Variants in TSPAN18 observed in about 807,000 individuals in gnomAD.
TSPAN18 encodes the protein tetraspanin 18.
TSPAN18 carries 14 observed loss-of-function variants against 27.3 expected under a neutral mutation model. That is an observed-to-expected ratio of 0.51 (90% confidence interval 0.34 to 0.80). The LOEUF (loss-of-function observed/expected upper bound fraction) is 0.80, where lower values mean the gene tolerates loss of function less well. Among genes scored for constraint, TSPAN18 ranks in the 30% least tolerant of loss-of-function variants. TSPAN18 has a pLI of 0.01. For missense variants in TSPAN18, 268 were observed against 323.9 expected, an observed-to-expected ratio of 0.83 and a Z score of 1.32; for synonymous variants, 143 against 136.5, an observed-to-expected ratio of 1.05 and a Z score of -0.33.
chr11:44,806,464 G>A (rs973655153), intron 2 of TSPAN18, among the ~76,000 whole-genome samples: 1 of 152,196 alleles, frequency 6.6e-6, no homozygotes, highest in African/African-American at 2.4e-5. Context: ...TTCCGGATTT[G>A]CCAGCCTCAT....
At chr11:44,858,584 C>T (rs922659313) in intron 2 of TSPAN18, among the ~76,000 whole-genome samples, 11 of 152,184 alleles carry the variant, frequency 7.2e-5, no homozygotes, top group African/African-American at 2.7e-4. Context: ...GATGTCACCT[C>T]CTTCTCAGAG....
At chr11:44,755,393 A>G (rs953740927) in intron 1 of TSPAN18, among the ~76,000 whole-genome samples, 2 of 151,938 alleles carry the variant, frequency 1.3e-5, no homozygotes, top group Non-Finnish European at 2.9e-5. Context: ...TCTGGGAACA[A>G]AGGGTGCTGG....
chr11:44,774,687 C>G (rs1167469959), intron 2 of TSPAN18, among the ~76,000 whole-genome samples: 2 of 152,148 alleles, frequency 1.3e-5, no homozygotes, highest in Non-Finnish European at 2.9e-5. Context: ...CCTCCATTCA[C>G]TAGGCATCCA....
chr11:44,888,453 C>T (rs1565192610), intron 3 of TSPAN18, among the ~76,000 whole-genome samples: 2 of 152,116 alleles, frequency 1.3e-5, no homozygotes, highest in African/African-American at 2.4e-5. Flanking sequence ...TATTGGGGGG[C>T]ACCATCTAGT....
chr11:44,871,365 C>A (rs1858190580), intron 3 of TSPAN18, among the ~76,000 whole-genome samples: 1 of 152,140 alleles, frequency 6.6e-6, no homozygotes, highest in African/African-American at 2.4e-5. Context: ...GGGCACTAAT[C>A]TTATTCATGA....
At chr11:44,877,543 C>A (rs892992174) in intron 3 of TSPAN18, among the ~76,000 whole-genome samples, 1 of 152,110 alleles carries the variant, frequency 6.6e-6, no homozygotes, top group Non-Finnish European at 1.5e-5. Flanking sequence ...CCATGAGGAC[C>A]CCCCGCCTCT....
At chr11:44,742,567 G>T (rs1251784320) in intron 1 of TSPAN18, among the ~76,000 whole-genome samples, 1 of 152,066 alleles carries the variant, frequency 6.6e-6, no homozygotes, top group Non-Finnish European at 1.5e-5. Flanking sequence ...CCCGCCATAG[G>T]AGCTCTCCCA....
At chr11:44,729,386 G>A (rs1489267253) in intron 1 of TSPAN18, among the ~76,000 whole-genome samples, 2 of 152,138 alleles carry the variant, frequency 1.3e-5, no homozygotes, top group African/African-American at 4.8e-5. Context: ...AGCGTTTCCC[G>A]TGTTCTGTCC....
At chr11:44,838,426 A>G (rs898475499) in intron 2 of TSPAN18, among the ~76,000 whole-genome samples, 4 of 152,196 alleles carry the variant, frequency 2.6e-5, no homozygotes, top group Non-Finnish European at 4.4e-5. Flanking sequence ...CATGGGAATT[A>G]TGGGAGCTAA....
Position 44,807,059 on chromosome 11 carries a change from C to A in TSPAN18, c.-153+42547C>A, listed in dbSNP as rs9667146. ...TTAAGTCATTTGAAAGAAACAGATTCAATAAAGGACAGTACAAGCCAGGGA... is the reference window on the plus strand; with the variant it reads ...TTAAGTCATTTGAAAGAAACAGATTAAATAAAGGACAGTACAAGCCAGGGA... On this transcript the variant is annotated intron_variant, in intron 2 of 9. Coordinates refer to ENST00000520358, the MANE Select transcript of TSPAN18 (RefSeq NM_130783.5). 2.7e-3 allele frequency among the ~76,000 whole-genome samples: 408 copies of A among 151,914 alleles called. 3 individuals are homozygous for A. The highest frequency in any genetic ancestry group is 8.6e-3 in the African/African-American group (356 of 41,380).
At chr11:44,823,179 C>T (rs1856963519) in intron 2 of TSPAN18, among the ~76,000 whole-genome samples, 1 of 152,214 alleles carries the variant, frequency 6.6e-6, no homozygotes, top group South Asian at 2.1e-4. Flanking sequence ...CCAGGCCTTG[C>T]TCAGCCCCAG....
chr11:44,819,746 T>C (rs1197590652), intron 2 of TSPAN18, among the ~76,000 whole-genome samples: 1 of 151,514 alleles, frequency 6.6e-6, no homozygotes, highest in African/African-American at 2.4e-5. Context: ...TCTTTATGCA[T>C]ACTGTCTCTC....
chr11:44,732,339 GT>G (rs762661853), intron 1 of TSPAN18, among the ~76,000 whole-genome samples: 6 of 152,248 alleles, frequency 3.9e-5, no homozygotes, highest in Admixed American at 6.5e-5. Context: ...TACAAGGATG[GT>G]TTGGATACTG....
At chr11:44,831,980 C>T (rs1405349971) in intron 2 of TSPAN18, among the ~76,000 whole-genome samples, 2 of 152,094 alleles carry the variant, frequency 1.3e-5, no homozygotes, top group Non-Finnish European at 2.9e-5. Context: ...AATGCAGCAG[C>T]TCAGAGTTCA....
At chr11:44,732,494 C>T (rs1037988177) in intron 1 of TSPAN18, among the ~76,000 whole-genome samples, 10 of 152,286 alleles carry the variant, frequency 6.6e-5, no homozygotes, top group Middle Eastern at 6.8e-3. Flanking sequence ...TCAAAACCTC[C>T]TGTGAGCCGA....
chr11:44,874,109 G>C (rs1858266326), intron 3 of TSPAN18, among the ~76,000 whole-genome samples: 1 of 152,194 alleles, frequency 6.6e-6, no homozygotes, highest in Admixed American at 6.5e-5. Flanking sequence ...ACACATTCCT[G>C]CTCCACCATG....
At chr11:44,771,587 TAGG>T (rs1855690812) in intron 2 of TSPAN18, among the ~76,000 whole-genome samples, 1 of 152,202 alleles carries the variant, frequency 6.6e-6, no homozygotes, top group African/African-American at 2.4e-5. Flanking sequence ...GATATACAGA[TAGG>T]ATATCAGGAT....
At chr11:44,847,254 A>T (rs577121746) in intron 2 of TSPAN18, among the ~76,000 whole-genome samples, 7 of 152,348 alleles carry the variant, frequency 4.6e-5, no homozygotes, top group Admixed American at 2.6e-4. Context: ...GTGGACAAGC[A>T]CAGGACAGTG....
intron 2 of TSPAN18, among the ~76,000 whole-genome samples, chr11:44,781,342 G>A (rs76446378): frequency 0.05 from 7,630 of 152,302 alleles, 374 homozygotes; most frequent in East Asian, 0.16. Context: ...AGGGCCTGGG[G>A]AAACCATGAG....
Sources: allele counts gnomAD v4.1 joint callset (sites outside exome capture counted in the v4.1 genomes callset), GRCh38; gene constraint gnomAD v4.1.1; transcripts MANE v1.5; gene names NCBI Gene and HGNC (gene_info 2026-07-23, HGNC 2026-07-21).